GBE1: variants seen among roughly 807,000 people sequenced by gnomAD.
GBE1 encodes 1,4-alpha-glucan-branching enzyme.
A neutral mutation model predicts 88.8 loss-of-function variants in GBE1; 70 were observed. That is an observed-to-expected ratio of 0.79 (90% CI 0.65 to 0.96). GBE1 has a LOEUF of 0.96. Ranked by LOEUF, GBE1 falls within the 40% of genes least tolerant of loss-of-function variation. The probability of loss-of-function intolerance (pLI) is 0.00; values close to 1 mark genes in which losing one functional copy is unlikely to be tolerated. For missense variants in GBE1, 872 were observed against 871.0 expected, an observed-to-expected ratio of 1.00 and a Z score of -0.01; for synonymous variants, 284 against 300.1, an observed-to-expected ratio of 0.95 and a Z score of 0.56.
At chr3:81,743,177 G>A (rs948693853) in intron 1 of GBE1, among the ~76,000 whole-genome samples, 3 of 152,084 alleles carry the variant, frequency 2.0e-5, no homozygotes, top group African/African-American at 7.2e-5. Flanking sequence ...ACAGCATAGT[G>A]TGGAAAACAC....
intron 14 of GBE1, among the ~76,000 whole-genome samples, chr3:81,504,989 T>C (rs1413901232): frequency 6.6e-6 from 1 of 152,164 alleles, no homozygotes; most frequent in African/African-American, 2.4e-5. Flanking sequence ...TAGACGACTA[T>C]AACGATGGCA....
At chr3:81,679,336 T>C (rs1004333127) in intron 2 of GBE1, among the ~76,000 whole-genome samples, 2 of 152,166 alleles carry the variant, frequency 1.3e-5, no homozygotes, top group African/African-American at 2.4e-5. Context: ...CCATTCATAC[T>C]CCAATCAGCT....
intron 2 of GBE1, among the ~76,000 whole-genome samples, chr3:81,693,312 T>A (rs1270354421): frequency 6.6e-6 from 1 of 152,174 alleles, no homozygotes; most frequent in Non-Finnish European, 1.5e-5. Context: ...ATTATTAAAT[T>A]ATATTCCAAG....
At chr3:81,497,078 T>C (rs1295784884) in intron 15 of GBE1, among the ~76,000 whole-genome samples, 1 of 152,224 alleles carries the variant, frequency 6.6e-6, no homozygotes, top group Admixed American at 6.5e-5. Flanking sequence ...AATTTACAAC[T>C]GCATTTTCCA....
intron 7 of GBE1, among the ~76,000 whole-genome samples, chr3:81,614,103 C>T (rs535745513): frequency 6.6e-6 from 1 of 152,260 alleles, no homozygotes; most frequent in African/African-American, 2.4e-5. Flanking sequence ...CAGCCTGAAA[C>T]TCCTGGGGTC....
intron 10 of GBE1, among the ~76,000 whole-genome samples, chr3:81,584,030 C>T (rs1703765585): frequency 6.6e-6 from 1 of 151,664 alleles, no homozygotes; most frequent in Non-Finnish European, 1.5e-5. Context: ...ACTAGGTGCT[C>T]AATAAATATT....
intron 1 of GBE1, among the ~76,000 whole-genome samples, chr3:81,710,139 A>G (rs969099478): frequency 2.0e-5 from 3 of 152,068 alleles, no homozygotes; most frequent in Non-Finnish European, 4.4e-5. Context: ...CATTAATCAC[A>G]AAAGGTAGAT....
intron 7 of GBE1, among the ~76,000 whole-genome samples, chr3:81,633,343 GA>G (rs1704545099): frequency 6.6e-6 from 1 of 152,130 alleles, no homozygotes; most frequent in African/African-American, 2.4e-5. Flanking sequence ...GTATTTTACA[GA>G]GGGGGAAATT....
In GBE1 at chr3:81,761,445, C is replaced by T. The variant is rs376939059; in HGVS notation, c.73G>A (p.Val25Met). 7 of 1,613,508 alleles carry T rather than the reference C, an allele frequency of 4.3e-6. No individual in the cohort carries two copies. Among genetic ancestry groups the T allele is most frequent in the African/African-American group, 4.0e-5 (3 of 74,908 alleles). The part of the protein sequence containing the change: ...EAALNAALAD[V>M]PELARLLEID... ...TCCAGGAGTCTGGCCAGTTCGGGCACGTCAGCCAGGGCGGCATTGAGCGCC... is the reference window on the plus strand; with the variant it reads ...TCCAGGAGTCTGGCCAGTTCGGGCATGTCAGCCAGGGCGGCATTGAGCGCC... Residue 25 changes from valine to methionine, a missense_variant, in exon 1 of 16, where the codon GTG becomes ATG. By Grantham distance (21) the Val-to-Met change is conservative. Transcript: ENST00000429644.
chr3:81,532,871 C>T (rs1419399929), intron 14 of GBE1, among the ~76,000 whole-genome samples: 1 of 152,004 alleles, frequency 6.6e-6, no homozygotes, highest in Non-Finnish European at 1.5e-5. Context: ...TTTGTTCCTG[C>T]TATAATCTTG....
chr3:81,611,451 T>C (rs908614765), intron 7 of GBE1, among the ~76,000 whole-genome samples: 2 of 152,042 alleles, frequency 1.3e-5, no homozygotes, highest in Non-Finnish European at 2.9e-5. Flanking sequence ...CAGCCCAGGG[T>C]ATAATATTCA....
intron 7 of GBE1, among the ~76,000 whole-genome samples, chr3:81,611,045 T>G (rs2106990571): frequency 6.6e-6 from 1 of 152,008 alleles, no homozygotes; most frequent in Middle Eastern, 3.4e-3. Context: ...CAATGGAGAT[T>G]AAGTCAGGTT....
intron 2 of GBE1, among the ~76,000 whole-genome samples, chr3:81,697,018 C>T (rs562410687): frequency 1.3e-5 from 2 of 152,252 alleles, no homozygotes; most frequent in Non-Finnish European, 2.9e-5. Context: ...CAATTCAATC[C>T]TGACACAATC....
At chr3:81,744,825 A>G (rs934955659) in intron 1 of GBE1, among the ~76,000 whole-genome samples, 4 of 152,222 alleles carry the variant, frequency 2.6e-5, no homozygotes, top group African/African-American at 9.6e-5. Flanking sequence ...AATGAAGATT[A>G]ATGTCTTAGC....
intron 14 of GBE1, among the ~76,000 whole-genome samples, chr3:81,524,474 T>C (rs1318012247): frequency 6.6e-6 from 1 of 151,926 alleles, no homozygotes; most frequent in Non-Finnish European, 1.5e-5. Flanking sequence ...AGAAGCTTTT[T>C]AACTTGCTCT....
At chr3:81,687,944 A>G (rs555325281) in intron 2 of GBE1, among the ~76,000 whole-genome samples, 3 of 152,306 alleles carry the variant, frequency 2.0e-5, no homozygotes, top group South Asian at 4.1e-4. Flanking sequence ...CTTTTACACA[A>G]TAAAGTTTGA....
intron 15 of GBE1, among the ~76,000 whole-genome samples, chr3:81,492,712 C>CTCCCTTT (rs1428157732): frequency 2.8e-4 from 35 of 125,974 alleles, no homozygotes; most frequent in Middle Eastern, 8.2e-3. Flanking sequence ...TTCTTCCTTT[C>CTCCCTTT]CTTCCTTCCT....
chr3:81,650,276 C>T, intron 3 of GBE1: 1 of 180,904 alleles, frequency 5.5e-6, no homozygotes, highest in Non-Finnish European at 1.1e-5. Flanking sequence ...AGAAAATCAT[C>T]CTACTCCATT....
At chr3:81,511,567 C>G (rs886821319) in intron 14 of GBE1, among the ~76,000 whole-genome samples, 1 of 151,734 alleles carries the variant, frequency 6.6e-6, no homozygotes, top group Non-Finnish European at 1.5e-5. Flanking sequence ...AAGCGTTCAC[C>G]AAACACATGA....
Sources: allele counts gnomAD v4.1 joint callset (sites outside exome capture counted in the v4.1 genomes callset), GRCh38; gene constraint gnomAD v4.1.1; transcripts MANE v1.5; gene names NCBI Gene and HGNC (gene_info 2026-07-23, HGNC 2026-07-21).